CNOT1: variants seen among roughly 807,000 people sequenced by gnomAD.
CNOT1 encodes the protein CCR4-NOT transcription complex subunit 1.
CNOT1 carries 15 observed loss-of-function variants against 273.8 expected under a neutral mutation model. That is an observed-to-expected ratio of 0.05 (90% confidence interval 0.04 to 0.08). CNOT1 has a LOEUF of 0.08. CNOT1 is among the 10% of genes least tolerant of loss of function. The pLI, the probability that CNOT1 is intolerant of heterozygous loss-of-function variation, is 1.00. For synonymous variants in CNOT1, 1,022 were observed against 1,005.5 expected (o/e 1.02, Z -0.31); for missense variants, 1,644 against 2,912.2 (o/e 0.56, Z 10.02).
At chr16:58,594,738 AT>A (rs2042188437) in intron 2 of CNOT1, among the ~76,000 whole-genome samples, 1 of 150,856 alleles carries the variant, frequency 6.6e-6, no homozygotes, top group Admixed American at 6.6e-5. Context: ...GGAGGCGGGG[AT>A]TGCAGTCAGC....
intron 34 of CNOT1, among the ~76,000 whole-genome samples, chr16:58,540,354 G>A (rs764438561): frequency 6.6e-6 from 1 of 152,176 alleles, no homozygotes; most frequent in Non-Finnish European, 1.5e-5. Flanking sequence ...AACTGTCAAA[G>A]CCTGATAGGA....
intron 1 of CNOT1, among the ~76,000 whole-genome samples, chr16:58,602,145 T>C (rs2042489520): frequency 6.6e-6 from 1 of 151,524 alleles, no homozygotes; most frequent in Admixed American, 6.6e-5. Flanking sequence ...CTTGGCTCAC[T>C]GCAACCTCCA....
chr16:58,555,506 G>C lies in CNOT1; in HGVS notation c.2636C>G (p.Ser879Cys), dbSNP rs371613224. 7 of 1,613,666 alleles carry C rather than the reference G, an allele frequency of 4.3e-6. No homozygotes were observed. In the African/African-American group the frequency reaches 6.7e-5, roughly 15 times the overall value. ...TACTTCTCGTTCCCTCTTTATAGTA[G>C]AGTCTTTAAATCTCTGCAGCATTTC... The part of the protein sequence containing the change: ...VLEMLQRFKD[S>C]TIKREREVFN... The change falls in exon 21 of 49, where the codon TCT (serine) becomes TGT (cysteine). Residue 879 changes from serine (S) to cysteine (C), a missense_variant. Around this residue, in one of 13 missense-constraint regions of CNOT1, gnomAD observed 74 missense variants for 184.6 expected, o/e 0.40. Transcript: ENST00000317147.
At chr16:58,545,956 C>T (rs2040246405) in intron 29 of CNOT1, among the ~76,000 whole-genome samples, 1 of 152,204 alleles carries the variant, frequency 6.6e-6, no homozygotes, top group South Asian at 2.1e-4. Context: ...GTCCCATTCC[C>T]TTGGCAGATC....
At chr16:58,541,095 C>G (rs2040079067) in intron 34 of CNOT1, among the ~76,000 whole-genome samples, 1 of 152,098 alleles carries the variant, frequency 6.6e-6, no homozygotes, top group African/African-American at 2.4e-5. Flanking sequence ...GTCCTAGCTC[C>G]TCAGGAGGCT....
chr16:58,629,623 C>G (rs1173141903), intron 1 of CNOT1, 105 bp downstream of exon 1: 1 of 152,782 alleles, frequency 6.5e-6, no homozygotes, highest in Non-Finnish European at 1.5e-5. Flanking sequence ...CCGGGAAACG[C>G]TTCCAGTGGC....
intron 47 of CNOT1, 46 bp from the exon 48 acceptor site, chr16:58,521,363 A>T (rs766875747): frequency 7.1e-6 from 11 of 1,538,630 alleles, no homozygotes; most frequent in Non-Finnish European, 9.7e-6. Flanking sequence ...AAGCATACAA[A>T]TTCATGATTA....
intron 1 of CNOT1, among the ~76,000 whole-genome samples, chr16:58,626,028 G>C (rs1169219024): frequency 2.0e-5 from 3 of 152,136 alleles, no homozygotes; most frequent in Non-Finnish European, 4.4e-5. Flanking sequence ...CTTCACAGCA[G>C]GAAGTTTTAG....
Position 58,588,864 on chromosome 16 carries a change from G to A in CNOT1, c.145C>T (p.Arg49Cys). Residue 49 changes from arginine to cysteine, a missense_variant, in exon 3 of 49, where the codon CGC (arginine) becomes TGC (cysteine). Physicochemically the swap from Arg to Cys is radical, Grantham distance 180 (BLOSUM62 -3). This residue lies in a region of CNOT1 where 706 missense variants were observed against 1,021.2 expected (regional missense o/e 0.69). Coordinates refer to ENST00000317147, the MANE Select transcript of CNOT1 (RefSeq NM_016284.5). ...HGPEADRHLL[R>C]CLFSHVDFSG... ...AAATCCACATGCGAAAATAGGCAGC[G>A]TAATAAATGCCTGTCTGCCTCAGGA... 2 of 1,613,476 alleles carry A rather than the reference G, an allele frequency of 1.2e-6. No individual in the cohort carries two copies. The highest frequency in any genetic ancestry group is 1.1e-5 in the South Asian group (1 of 91,020).
chr16:58,561,831 G>A (rs2040852260), intron 16 of CNOT1, among the ~76,000 whole-genome samples: 1 of 152,120 alleles, frequency 6.6e-6, no homozygotes. Context: ...TCAAAGAAGG[G>A]ATACTCAATC....
intron 25 of CNOT1, among the ~76,000 whole-genome samples, chr16:58,549,368 AAAGT>A (rs2040379746): frequency 6.6e-6 from 1 of 152,092 alleles, no homozygotes; most frequent in African/African-American, 2.4e-5. Context: ...GGGAGAAAAA[AAAGT>A]AAGTGAAAAA....
intron 1 of CNOT1, among the ~76,000 whole-genome samples, chr16:58,626,759 C>CA (rs35083128): frequency 0.29 from 41,028 of 143,164 alleles, 6,026 homozygotes; most frequent in East Asian, 0.57. Context: ...GACTCCGTCT[C>CA]AAAAAAAAAA....
intron 15 of CNOT1, 79 bp from the exon 16 acceptor site, chr16:58,574,839 ATAAC>A (rs1262153046): frequency 7.0e-6 from 11 of 1,565,194 alleles, no homozygotes; most frequent in Non-Finnish European, 7.7e-6. Flanking sequence ...ACTAAGCACT[ATAAC>A]TAAAATCCAA....
chr16:58,525,411 T>C (rs750642335), intron 45 of CNOT1, 52 bp from the exon 46 acceptor site: 13 of 1,490,920 alleles, frequency 8.7e-6, no homozygotes, highest in Non-Finnish European at 1.0e-5. Context: ...AGAGGACCAA[T>C]TCTAGCACCA....
intron 18 of CNOT1, among the ~76,000 whole-genome samples, 164 bp downstream of exon 18, chr16:58,558,309 T>C (rs555594570): frequency 6.6e-6 from 1 of 152,346 alleles, no homozygotes; most frequent in South Asian, 2.1e-4. Context: ...CTGAATTGAA[T>C]ATAATCTGTT....
intron 22 of CNOT1, among the ~76,000 whole-genome samples, chr16:58,552,524 C>G (rs987970632): frequency 1.3e-5 from 2 of 152,174 alleles, no homozygotes; most frequent in African/African-American, 4.8e-5. Flanking sequence ...CCATCTCACT[C>G]TTTCTCCAAG....
intron 2 of CNOT1, among the ~76,000 whole-genome samples, chr16:58,593,656 C>T (rs1436281392): frequency 2.0e-5 from 3 of 151,702 alleles, no homozygotes; most frequent in Admixed American, 2.0e-4. Flanking sequence ...ACTGCTTTAG[C>T]CCAGGAGTTT....
chr16:58,595,253 G>C (rs2042213236), intron 2 of CNOT1, among the ~76,000 whole-genome samples: 1 of 151,756 alleles, frequency 6.6e-6, no homozygotes, highest in Non-Finnish European at 1.5e-5. Context: ...TTAGAGACAA[G>C]TCACAGCATT....
intron 1 of CNOT1, among the ~76,000 whole-genome samples, chr16:58,629,389 G>A (rs2152064281): frequency 6.6e-6 from 1 of 152,276 alleles, no homozygotes; most frequent in Non-Finnish European, 1.5e-5. Flanking sequence ...GCGAAGCCAG[G>A]CCCAGCGACA....
Sources: gnomAD v4.1 joint callset for allele counts (sites outside exome capture counted in the v4.1 genomes callset) on GRCh38, gnomAD v4.1.1 for gene constraint, gnomAD v4.1.1 regional missense constraint, MANE v1.5 for transcripts, NCBI Gene and HGNC (gene_info 2026-07-23, HGNC 2026-07-21) for gene names.